RTF1: variants seen among roughly 807,000 people sequenced by gnomAD.
The protein encoded by RTF1 is RTF1 homolog, Paf1/RNA polymerase II complex component.
In RTF1, 10 loss-of-function variants were observed where a neutral mutation model predicts 95.7. The ratio of observed to expected loss-of-function variants is 0.10; its 90% CI spans 0.06 to 0.18. The LOEUF (loss-of-function observed/expected upper bound fraction) is 0.18. Among genes scored for constraint, RTF1 ranks in the 10% least tolerant of loss-of-function variants. The pLI is 1.00. For missense variants in RTF1, 458 were observed against 875.6 expected (o/e 0.52, Z 6.02); for synonymous variants, 305 against 311.8 (o/e 0.98, Z 0.23).
At chr15:41,477,112 T>C (rs148796429) in intron 12 of RTF1, 53 bp from the exon 13 acceptor site, 9 of 1,611,898 alleles carry the variant, frequency 5.6e-6, no homozygotes, top group South Asian at 2.2e-5. Flanking sequence ...ATACTTGATA[T>C]GGAGTCAGTT....
chr15:41,475,740 C>G lies in RTF1; in HGVS notation c.1403C>G (p.Thr468Ser). The G allele has an allele frequency of 1.2e-6, 2 of 1,609,730 alleles. No homozygotes were observed. Among genetic ancestry groups the G allele is most frequent in the Non-Finnish European group, 1.7e-6 (2 of 1,176,464 alleles). Residue 468 changes from threonine to serine, a missense_variant, in exon 11 of 18, where the codon ACT becomes AGT. Thr to Ser is a moderately conservative substitution (Grantham distance 58, BLOSUM62 1). Transcript: ENST00000389629. ...TTCTCTGCTGGCATGCAGTTGCCCA[C>G]TCTAGATGAAATCAATAAAAAGGAA... Reference protein sequence around the residue: ...AMFSAGMQLPTLDEINKKELS... With the variant: ...AMFSAGMQLPSLDEINKKELS...
At chr15:41,456,377 T>C (rs2050816324) in intron 3 of RTF1, among the ~76,000 whole-genome samples, 1 of 151,172 alleles carries the variant, frequency 6.6e-6, no homozygotes, top group Admixed American at 6.6e-5. Context: ...TAATCCCAGC[T>C]ACTCAGGAGG....
intron 5 of RTF1, 93 bp downstream of exon 5, chr15:41,464,978 T>C (rs1223643828): frequency 1.2e-5 from 16 of 1,390,192 alleles, no homozygotes; most frequent in African/African-American, 1.5e-5. Flanking sequence ...AAAAGGTGGA[T>C]TTATATTAAT....
chr15:41,476,546 CTT>C, intron 12 of RTF1, 23 bp downstream of exon 12: 1 of 1,590,594 alleles, frequency 6.3e-7, no homozygotes, highest in Non-Finnish European at 8.6e-7. Flanking sequence ...ACTCGAGCCT[CTT>C]TCCTCATCCT....
intron 2 of RTF1, among the ~76,000 whole-genome samples, chr15:41,446,452 G>C (rs2050763169): frequency 6.6e-6 from 1 of 152,092 alleles, no homozygotes; most frequent in Admixed American, 6.6e-5. Flanking sequence ...TGTAGTCCCA[G>C]CTACTCAGGA....
At chr15:41,461,952 G>T (rs1297379496) in intron 4 of RTF1, among the ~76,000 whole-genome samples, 1 of 141,968 alleles carries the variant, frequency 7.0e-6, no homozygotes, top group Non-Finnish European at 1.5e-5. Flanking sequence ...GGGGGGGTTT[G>T]CCATGTTGCC....
In RTF1 at chr15:41,457,718, T is replaced by C. The variant is rs35588442; in HGVS notation, c.504T>C (p.Asp168=). ...SDSNSSSSSS[D]SDSSSEDEEF... ...GCAACAGCTCCTCTTCCAGTTCAGA[T>C]TCAGACTCTTCCTCAGAAGATGAAG... Residue 168 remains aspartate, a synonymous_variant, in exon 4 of 18, where the codon GAT becomes GAC. Transcript: ENST00000389629. 24,315 of 1,614,088 alleles carry C rather than the reference T, an allele frequency of 0.015. 241 individuals carry two copies. Among genetic ancestry groups the C allele is most frequent in the Non-Finnish European group, 0.018 (21,042 of 1,180,012 alleles).
chr15:41,477,134 A>C (rs772819269), intron 12 of RTF1, 31 bp from the exon 13 acceptor site: 11 of 1,614,140 alleles, frequency 6.8e-6, no homozygotes, highest in Non-Finnish European at 9.3e-6. Context: ...TATGTAGCCA[A>C]GAACGAACTC....
In RTF1 at chr15:41,437,012, G is replaced by A. The variant is rs533008812; in HGVS notation, c.199-1309G>A. ...TGACTCAGGAGAATCGCTTGAACCC[G>A]GGAGGCGGAGGTTGCAGTAAGCCGA... On this transcript the variant is annotated intron_variant, in intron 1 of 17. Coordinates refer to ENST00000389629, the MANE Select transcript of RTF1 (RefSeq NM_015138.5). Among the ~76,000 whole-genome samples, 20 of 151,886 alleles carry A rather than the reference G, an allele frequency of 1.3e-4. No individual in the cohort carries two copies. The South Asian group carries it at 3.5e-3, about 27-fold the overall frequency.
At chr15:41,476,573 A>G in intron 12 of RTF1, 50 bp downstream of exon 12, 1 of 1,525,512 alleles carries the variant, frequency 6.6e-7, no homozygotes, top group South Asian at 1.1e-5. Context: ...GGAGATGTGG[A>G]AATCAAACTT....
intron 17 of RTF1, 122 bp from the exon 18 acceptor site, chr15:41,480,459 C>T (rs765662724): frequency 4.2e-6 from 4 of 957,630 alleles, no homozygotes; most frequent in Non-Finnish European, 5.0e-6. Flanking sequence ...CAGGCCAAGA[C>T]AGGCTGTGGG....
At chr15:41,430,796 G>A (rs1395149865) in intron 1 of RTF1, among the ~76,000 whole-genome samples, 1 of 152,170 alleles carries the variant, frequency 6.6e-6, no homozygotes, top group African/African-American at 2.4e-5. Context: ...CTTGCTGTGA[G>A]TTTTCCCAGT....
At chr15:41,441,792 A>G (rs1053805917) in intron 2 of RTF1, among the ~76,000 whole-genome samples, 1 of 152,164 alleles carries the variant, frequency 6.6e-6, no homozygotes, top group Non-Finnish European at 1.5e-5. Flanking sequence ...TGCTGCCTTC[A>G]GATTCTAGTA....
intron 10 of RTF1, 32 bp downstream of exon 10, chr15:41,475,644 C>A: frequency 6.2e-7 from 1 of 1,602,628 alleles, no homozygotes; most frequent in Non-Finnish European, 8.5e-7. Flanking sequence ...AGCAGTTGTT[C>A]GTGCACGTTG....
At chr15:41,450,950 T>A (rs986523298) in intron 2 of RTF1, among the ~76,000 whole-genome samples, 1 of 151,882 alleles carries the variant, frequency 6.6e-6, no homozygotes, top group Non-Finnish European at 1.5e-5. Flanking sequence ...AGACCCTGGC[T>A]CAAAAACAAA....
In RTF1 at chr15:41,476,531, G is replaced by T. The variant is rs1443557776; in HGVS notation, c.1560+8G>T. On this transcript the variant is annotated splice_region_variant and intron_variant, in intron 12 of 17. Transcript: ENST00000389629. The stretch of plus-strand genomic sequence containing the variant: ...CAGCTACTGAAGGAAAAGGTAAGGA[G>T]TTGTACTCGAGCCTCTTTCCTCATC... 1.2e-6 allele frequency: 2 copies of T among 1,610,840 alleles called. No homozygotes were observed. The highest frequency in any genetic ancestry group is 8.5e-7 in the Non-Finnish European group (1 of 1,177,134).
chr15:41,436,840 G>T (rs1355932806), intron 1 of RTF1, among the ~76,000 whole-genome samples: 1 of 151,940 alleles, frequency 6.6e-6, no homozygotes, highest in Non-Finnish European at 1.5e-5. Context: ...TGTAATCCCA[G>T]CACTTTGGGA....
At chr15:41,461,544 G>A (rs1255555213) in intron 4 of RTF1, among the ~76,000 whole-genome samples, 1 of 148,916 alleles carries the variant, frequency 6.7e-6, no homozygotes, top group Admixed American at 6.8e-5. Flanking sequence ...CCAGGCTGGA[G>A]TGCAGTGGCG....
At chr15:41,417,404 A>C (rs943404749) in intron 1 of RTF1, 91 bp downstream of exon 1, 5 of 1,116,454 alleles carry the variant, frequency 4.5e-6, no homozygotes, top group African/African-American at 1.6e-5. Context: ...GAGCCTTCCT[A>C]CCAGAGCGCC....
Sources: gnomAD v4.1 joint callset for allele counts (sites outside exome capture counted in the v4.1 genomes callset) on GRCh38, gnomAD v4.1.1 for gene constraint, MANE v1.5 for transcripts, NCBI Gene and HGNC (gene_info 2026-07-23, HGNC 2026-07-21) for gene names.